The following CCDC158 variants were observed in gnomAD, a reference collection of about 807,000 sequenced individuals.
CCDC158 encodes coiled-coil domain-containing protein 158.
CCDC158 carries 116 observed loss-of-function variants against 138.6 expected under a neutral mutation model. The ratio of observed to expected loss-of-function variants is 0.84; its 90% CI spans 0.72 to 0.98. CCDC158 has a LOEUF of 0.98. Among genes scored for constraint, CCDC158 ranks in the 50% least tolerant of loss-of-function variants. The pLI, the probability that CCDC158 is intolerant of heterozygous loss-of-function variation, is 0.00. For synonymous variants in CCDC158, 436 were observed against 442.4 expected, an observed-to-expected ratio of 0.99 and a Z score of 0.18; for missense variants, 1,265 against 1,306.1, an observed-to-expected ratio of 0.97 and a Z score of 0.48.
chr4:76,383,690 C>A lies in CCDC158; in HGVS notation c.775G>T (p.Glu259Ter). ...TCTTGGTGTTGTTGCAGAAGTAGTT[C>A]TATTTTGTTCTGTGATTCAGATTTC... ...ALKSESQNKIELLLQQHQDRI... is the reference protein window; with the variant it reads ...ALKSESQNKI Residue 259 changes from glutamate (E) to a stop codon, truncating the protein, a stop_gained, in exon 7 of 25, where the codon GAA becomes TAA. Coordinates refer to ENST00000682701, the MANE Select transcript of CCDC158 (RefSeq NM_001394954.1). LOFTEE classifies it high-confidence loss of function. 1 of 1,613,570 alleles carries A rather than the reference C, an allele frequency of 6.2e-7. No individual in the cohort carries two copies. The highest frequency in any genetic ancestry group is 8.5e-7 in the Non-Finnish European group (1 of 1,179,584).
chr4:76,338,994 C>G (rs1189612108), intron 18 of CCDC158, among the ~76,000 whole-genome samples: 1 of 152,078 alleles, frequency 6.6e-6, no homozygotes, highest in Admixed American at 6.5e-5. Flanking sequence ...ACCAAGAGTC[C>G]TACTTAAATT....
At chr4:76,336,874 C>T (rs921599737) in intron 18 of CCDC158, among the ~76,000 whole-genome samples, 1 of 152,202 alleles carries the variant, frequency 6.6e-6, no homozygotes. Flanking sequence ...TGAGACTGAG[C>T]AGGCAGTCAA....
At chr4:76,351,636 G>A (rs561270176) in intron 17 of CCDC158, 84 bp downstream of exon 17, 8 of 766,796 alleles carry the variant, frequency 1.0e-5, no homozygotes, top group South Asian at 6.3e-5. Context: ...ACTTGAATGT[G>A]TATCTAAGGT....
Position 76,403,136 on chromosome 4 carries a change from A to AC in CCDC158, c.70+1dup. On this transcript the variant is annotated splice_donor_variant, in intron 3 of 24. Coordinates refer to ENST00000682701, the MANE Select transcript of CCDC158 (RefSeq NM_001394954.1). LOFTEE classifies it high-confidence loss of function. ...CCATTTTGTTTTATAAACAGCACAT[A>AC]CCTCCATTAGATGTGACACCACTAC... The AC allele has an allele frequency of 6.3e-7, 1 of 1,596,874 alleles. No individual in the cohort carries two copies. Among genetic ancestry groups the AC allele is most frequent in the Non-Finnish European group, 8.6e-7 (1 of 1,169,194 alleles).
chr4:76,393,409 C>T (rs1727486258), intron 4 of CCDC158, among the ~76,000 whole-genome samples: 1 of 152,010 alleles, frequency 6.6e-6, no homozygotes, highest in Admixed American at 6.6e-5. Context: ...ATAAATGGTA[C>T]TGGGAAAACT....
At chr4:76,355,964 C>G (rs983281125) in intron 14 of CCDC158, among the ~76,000 whole-genome samples, 14 of 151,906 alleles carry the variant, frequency 9.2e-5, no homozygotes, top group Admixed American at 9.2e-4. Flanking sequence ...TATCACAAAC[C>G]CTTCAATTTT....
At chr4:76,327,780 C>T (rs1191890535) in intron 22 of CCDC158, among the ~76,000 whole-genome samples, 1 of 152,126 alleles carries the variant, frequency 6.6e-6, no homozygotes, top group Non-Finnish European at 1.5e-5. Context: ...TACCTTACCT[C>T]AATTTTCTCT....
Position 76,366,783 on chromosome 4 carries a change from T to A in CCDC158, c.1830+511A>T, listed in dbSNP as rs181700048. On this transcript the variant is annotated intron_variant, in intron 12 of 24. Transcript: ENST00000682701. ...ATTTTAAATTATTAAGTTATTTAAATTTTAAATTATTAAATAGCCAGAAAC... is the reference window on the plus strand; with the variant it reads ...ATTTTAAATTATTAAGTTATTTAAAATTTAAATTATTAAATAGCCAGAAAC... 2.7e-3 allele frequency among the ~76,000 whole-genome samples: 411 copies of A among 152,252 alleles called. 2 individuals carry two copies. Among genetic ancestry groups the A allele is most frequent in the African/African-American group, 9.5e-3 (393 of 41,552 alleles).
intron 24 of CCDC158, among the ~76,000 whole-genome samples, chr4:76,316,267 T>C (rs538407471): frequency 6.6e-6 from 1 of 151,930 alleles, no homozygotes; most frequent in African/African-American, 2.4e-5. Flanking sequence ...AGAAAAACAA[T>C]CACAATTTCT....
rs186494272 is a variant in CCDC158 at position 76,402,539 on chromosome 4, T to C, written c.70+599A>G. ...GCAGCTTCTTGCAGTTGGTAATTTCTGTGTTGTTTCATCCCTTTAGGCTTT... is the reference window on the plus strand; with the variant it reads ...GCAGCTTCTTGCAGTTGGTAATTTCCGTGTTGTTTCATCCCTTTAGGCTTT... On this transcript the variant is annotated intron_variant, in intron 3 of 24. Transcript: ENST00000682701. Among the ~76,000 whole-genome samples, 109 of 152,372 alleles carry C rather than the reference T, an allele frequency of 7.2e-4. 1 individual carries two copies. Among genetic ancestry groups the C allele is most frequent in the Admixed American group, 7.1e-3 (109 of 15,300 alleles).
chr4:76,417,028 T>C lies in CCDC158; in HGVS notation c.-117+3937A>G, dbSNP rs540268916. On this transcript the variant is annotated intron_variant, in intron 1 of 24. Coordinates refer to ENST00000682701, the MANE Select transcript of CCDC158 (RefSeq NM_001394954.1). ...GCTGCAGACACTCAACACCAGCCCA[T>C]GAAAGCATCTGGGAGAGAGGCTGTA... is the stretch of plus-strand genomic sequence containing the variant. Among the ~76,000 whole-genome samples, 4 of 152,170 alleles carry C rather than the reference T, an allele frequency of 2.6e-5. No individual in the cohort carries two copies. The South Asian group carries it at 8.3e-4, about 32-fold the overall frequency.
chr4:76,331,103 T>G (rs1283152053), intron 21 of CCDC158, among the ~76,000 whole-genome samples: 3 of 152,112 alleles, frequency 2.0e-5, no homozygotes, highest in African/African-American at 7.2e-5. Context: ...GGCTCGGATA[T>G]CTCTGTCTAT....
At chr4:76,386,485 C>A (rs1726799818) in intron 4 of CCDC158, among the ~76,000 whole-genome samples, 1 of 152,192 alleles carries the variant, frequency 6.6e-6, no homozygotes, top group African/African-American at 2.4e-5. Context: ...CCCAAAAATT[C>A]AGTAATGGGG....
intron 20 of CCDC158, among the ~76,000 whole-genome samples, chr4:76,331,817 C>T (rs981595128): frequency 3.3e-5 from 5 of 152,138 alleles, no homozygotes; most frequent in Admixed American, 1.3e-4. Flanking sequence ...GTACTTAATG[C>T]AGTAGGCAGT....
At chr4:76,344,430 T>C (rs908578475) in intron 18 of CCDC158, 6 of 620,170 alleles carry the variant, frequency 9.7e-6, no homozygotes, top group Non-Finnish European at 1.7e-5. Context: ...CCACAGTGAG[T>C]TGTAAGTGAA....
chr4:76,319,063 G>A (rs997337419), intron 24 of CCDC158, among the ~76,000 whole-genome samples: 5 of 152,122 alleles, frequency 3.3e-5, no homozygotes, highest in African/African-American at 1.2e-4. Flanking sequence ...TTGAGGTCAG[G>A]AGATGAAGAC....
rs772925430 is a variant in CCDC158, at chr4:76,357,447, T to C, written c.2100A>G (p.Gln700=). The C allele has an allele frequency of 3.1e-6, 5 of 1,604,988 alleles. No homozygotes were observed. The highest frequency in any genetic ancestry group is 1.7e-5 in the Admixed American group (1 of 58,754). Residue 700 remains glutamine (Q), a synonymous_variant, in exon 14 of 25, where the codon CAA becomes CAG. Transcript: ENST00000682701. ...CTAGTTCAGACTGTGCAGATTTTAA[T>C]TGCATTTTCAACTTATTTGTAGTCA... ...MEMTTNKLKM[Q]LKSAQSELEQ... is the part of the protein sequence containing the mutation.
chr4:76,313,464 T>G (rs758785634), intron 24 of CCDC158, among the ~76,000 whole-genome samples: 3 of 151,864 alleles, frequency 2.0e-5, no homozygotes, highest in South Asian at 4.2e-4. Flanking sequence ...ATTTACTTAT[T>G]TATTTTGTAG....
rs77751461 is a variant in CCDC158 at position 76,367,729 on chromosome 4, G to A, written c.1395C>T (p.Ser465=). The part of the protein sequence containing the change: ...GKNESLEKVS[S]LTAQLESTKE... ...TGGTGGATTCAAGCTGAGCAGTCAAGGAGGATACTTTTTCTAGACTTTCAT... is the reference window on the plus strand; with the variant it reads ...TGGTGGATTCAAGCTGAGCAGTCAAAGAGGATACTTTTTCTAGACTTTCAT... The change falls in exon 12 of 25, where the codon TCC becomes TCT. Residue 465 remains serine (S), a synonymous_variant. Transcript: ENST00000682701. 9,051 of 1,609,814 alleles carry A rather than the reference G, an allele frequency of 5.6e-3. 412 individuals are homozygous for A. In the African/African-American group the frequency reaches 0.1, roughly 18 times the overall value.
Sources: allele counts gnomAD v4.1 joint callset (sites outside exome capture counted in the v4.1 genomes callset), GRCh38; gene constraint gnomAD v4.1.1; transcripts MANE v1.5; gene names NCBI Gene and HGNC (gene_info 2026-07-23, HGNC 2026-07-21).